Variants in PGM1 observed in about 807,000 individuals in gnomAD.
PGM1 encodes phosphoglucomutase-1.
In PGM1, 52 loss-of-function variants were observed where a neutral mutation model predicts 55.6. The observed-to-expected ratio is 0.94, with a 90% CI of 0.75 to 1.18. PGM1 has a LOEUF of 1.18. PGM1 is among the 50% of genes most tolerant of loss of function. PGM1 has a pLI of 0.00. For missense variants in PGM1, 724 were observed against 729.3 expected (o/e 0.99, Z 0.08); for synonymous variants, 287 against 271.7 (o/e 1.06, Z -0.55).
At chr1:63,636,762 C>T (rs921302289) in intron 6 of PGM1, among the ~76,000 whole-genome samples, 1 of 152,132 alleles carries the variant, frequency 6.6e-6, no homozygotes, top group African/African-American at 2.4e-5. Flanking sequence ...CACACATACA[C>T]GTATAATTTT....
intron 4 of PGM1, among the ~76,000 whole-genome samples, chr1:63,633,975 T>G (rs1649293728): frequency 7.6e-6 from 1 of 130,982 alleles, no homozygotes; most frequent in African/African-American, 2.9e-5. Flanking sequence ...AGAGACAGGG[T>G]CTCACCATGT....
chr1:63,595,731 A>C (rs1648045691), intron 1 of PGM1, among the ~76,000 whole-genome samples: 1 of 152,236 alleles, frequency 6.6e-6, no homozygotes, highest in Admixed American at 6.5e-5. Context: ...AGGATGATGC[A>C]GACCCAAGAG....
chr1:63,621,155 A>T (rs542476579), intron 1 of PGM1, among the ~76,000 whole-genome samples: 1 of 152,176 alleles, frequency 6.6e-6, no homozygotes, highest in South Asian at 2.1e-4. Context: ...GGCAAGGATT[A>T]TGTTCTTTTG....
At position 63,659,579 on chromosome 1, in the gene PGM1, T is replaced by C; in HGVS notation, c.1600-7T>C. 2 of 1,612,128 alleles carry C rather than the reference T, an allele frequency of 1.2e-6. No homozygotes were observed. Among genetic ancestry groups the C allele is most frequent in the Admixed American group, 1.7e-5 (1 of 59,998 alleles). On this transcript the variant is annotated splice_polypyrimidine_tract_variant and splice_region_variant and intron_variant, in intron 10 of 10. Coordinates refer to ENST00000371084, the MANE Select transcript of PGM1 (RefSeq NM_002633.3). The stretch of plus-strand genomic sequence containing the variant: ...GATGGAAAAGCTTCTCTCTATGTCT[T>C]CCTCAGGTCATGTTGGCCCCCCTTA...
intron 1 of PGM1, among the ~76,000 whole-genome samples, chr1:63,597,580 G>A (rs1220714033): frequency 6.6e-6 from 1 of 152,278 alleles, no homozygotes; most frequent in Middle Eastern, 3.4e-3. Flanking sequence ...GTTAGTCAGA[G>A]CCCAATTGGG....
intron 1 of PGM1, among the ~76,000 whole-genome samples, chr1:63,607,880 C>T (rs532474179): frequency 6.6e-6 from 1 of 152,234 alleles, no homozygotes; most frequent in Admixed American, 6.5e-5. Context: ...CATTTTTCAC[C>T]TAAAGCGATG....
chr1:63,607,503 A>AGTGTGCTTGGGATGGGTG, intron 1 of PGM1, among the ~76,000 whole-genome samples: 1 of 152,294 alleles, frequency 6.6e-6, no homozygotes, highest in East Asian at 1.9e-4. Flanking sequence ...GGGATAGGCG[A>AGTGTGCTTGGGATGGGTG]GTGTGCCTGG....
At chr1:63,652,990 G>A (rs1649848754) in intron 9 of PGM1, among the ~76,000 whole-genome samples, 1 of 152,184 alleles carries the variant, frequency 6.6e-6, no homozygotes, top group South Asian at 2.1e-4. Flanking sequence ...ATGGCAGAGT[G>A]GGACAGAAGT....
chr1:63,645,642 T>C (rs1424433540), intron 7 of PGM1, among the ~76,000 whole-genome samples: 1 of 152,184 alleles, frequency 6.6e-6, no homozygotes, highest in Non-Finnish European at 1.5e-5. Context: ...TTAAAATATG[T>C]TATATAAAGC....
At chr1:63,641,294 T>C (rs1359971875) in intron 7 of PGM1, among the ~76,000 whole-genome samples, 1 of 152,164 alleles carries the variant, frequency 6.6e-6, no homozygotes, top group East Asian at 1.9e-4. Context: ...TCTCTCTCTC[T>C]CTTCAAAAAA....
In PGM1 at chr1:63,593,723, G is replaced by T; in HGVS notation, c.235G>T (p.Ala79Ser). ...EAIQLIARIAAANGIGRLVIG... is the reference protein window; with the variant it reads ...EAIQLIARIASANGIGRLVIG... ...CATCCAGCTCATCGCTCGCATCGCT[G>T]CCGCCAACGGGGTAAGGGATGCGCG... Residue 79 changes from alanine to serine, a missense_variant, in exon 1 of 11, where the codon GCC (alanine) becomes TCC (serine). By Grantham distance (99) the Ala-to-Ser change is moderately conservative. Around this residue, in one of 3 missense-constraint regions of PGM1, gnomAD observed 379 missense variants for 357.5 expected, o/e 1.06. Coordinates refer to ENST00000371084, the MANE Select transcript of PGM1 (RefSeq NM_002633.3). The T allele has an allele frequency of 1.3e-6, 2 of 1,596,244 alleles. No individual in the cohort carries two copies.
chr1:63,619,864 C>A (rs1022193414), intron 1 of PGM1, among the ~76,000 whole-genome samples: 1 of 152,142 alleles, frequency 6.6e-6, no homozygotes, highest in African/African-American at 2.4e-5. Flanking sequence ...CAACCCCACT[C>A]AGAATGTGAG....
chr1:63,607,407 A>G (rs1320768322), intron 1 of PGM1, among the ~76,000 whole-genome samples: 2 of 152,238 alleles, frequency 1.3e-5, no homozygotes, highest in Non-Finnish European at 1.5e-5. Flanking sequence ...AGATTGACAC[A>G]TGCAAAACCA....
intron 9 of PGM1, 43 bp downstream of exon 9, chr1:63,651,895 C>T: frequency 6.6e-7 from 1 of 1,517,918 alleles, no homozygotes. Context: ...GACCTCAGAG[C>T]TTCATCTCTG....
intron 1 of PGM1, chr1:63,594,015 C>T: frequency 2.6e-5 from 30 of 1,135,250 alleles, no homozygotes; most frequent in Non-Finnish European, 3.2e-5. Flanking sequence ...ACGCCCGACT[C>T]TCCGTCTCTA....
At chr1:63,644,158 A>T (rs1296600282) in intron 7 of PGM1, among the ~76,000 whole-genome samples, 2 of 152,202 alleles carry the variant, frequency 1.3e-5, no homozygotes, top group Non-Finnish European at 1.5e-5. Flanking sequence ...GAGACCCAGG[A>T]TGTGCCCTGG....
At position 63,636,055 on chromosome 1, in the gene PGM1, C is replaced by T. The variant is rs529822762; in HGVS notation, c.874-179C>T. Among the ~76,000 whole-genome samples the T allele has an allele frequency of 5.9e-5, 9 of 152,242 alleles. No homozygotes were observed. The South Asian group carries it at 1.5e-3, about 25-fold the overall frequency. On this transcript the variant is annotated intron_variant, in intron 5 of 10. Transcript: ENST00000371084. ...TAACTTTTTGGCATGGAGGTGCCTT[C>T]GGCCCAATGGTACTGTATAAACTCA...
At chr1:63,611,011 T>C (rs1570477545) in intron 1 of PGM1, among the ~76,000 whole-genome samples, 2 of 152,334 alleles carry the variant, frequency 1.3e-5, no homozygotes, top group African/African-American at 4.8e-5. Flanking sequence ...GAAATCTCCG[T>C]GAATAAGATT....
intron 2 of PGM1, 91 bp from the exon 3 acceptor site, chr1:63,629,851 T>C: frequency 7.2e-7 from 1 of 1,386,564 alleles, no homozygotes; most frequent in South Asian, 1.2e-5. Flanking sequence ...ATGGTAGATG[T>C]GCTAGTGAAG....
Sources: allele counts gnomAD v4.1 joint callset (sites outside exome capture counted in the v4.1 genomes callset), GRCh38; gene constraint gnomAD v4.1.1; regional missense constraint gnomAD v4.1.1; transcripts MANE v1.5; gene names NCBI Gene and HGNC (gene_info 2026-07-23, HGNC 2026-07-21).